Variants in PRPF3 observed in about 807,000 individuals in gnomAD.
The protein encoded by PRPF3 is U4/U6 small nuclear ribonucleoprotein Prp3.
In PRPF3, 3 loss-of-function variants were observed where a neutral mutation model predicts 89.2. That is an observed-to-expected ratio of 0.03 (90% CI 0.02 to 0.09). The LOEUF is 0.09. Among genes scored for constraint, PRPF3 ranks in the 10% least tolerant of loss-of-function variants. The pLI, the probability that PRPF3 is intolerant of heterozygous loss-of-function variation, is 1.00. For synonymous variants in PRPF3, 270 were observed against 289.1 expected, an observed-to-expected ratio of 0.93 and a Z score of 0.67; for missense variants, 463 against 828.8, an observed-to-expected ratio of 0.56 and a Z score of 5.42.
intron 9 of PRPF3, among the ~76,000 whole-genome samples, chr1:150,341,015 A>G (rs1399032654): frequency 7.0e-6 from 1 of 143,070 alleles, no homozygotes; most frequent in Non-Finnish European, 1.5e-5. Context: ...TGAGGTGTGG[A>G]GGATGGCTTG....
At position 150,328,302 on chromosome 1, in the gene PRPF3, C is replaced by T; in HGVS notation, c.277-18C>T. The T allele has an allele frequency of 6.2e-7, 1 of 1,613,722 alleles. No homozygotes were observed. Among genetic ancestry groups the T allele is most frequent in the Non-Finnish European group, 8.5e-7 (1 of 1,179,818 alleles). On this transcript the variant is annotated intron_variant, in intron 3 of 15. Transcript: ENST00000324862. ...ACGGGGAGGGATACAGCTTTTCTTT[C>T]ATCTTGGGTTCCCTTAGGAGGTGTT...
chr1:150,325,650 C>T (rs1007424790), intron 2 of PRPF3, 101 bp from the exon 3 acceptor site: 1 of 1,483,170 alleles, frequency 6.7e-7, no homozygotes, highest in East Asian at 2.4e-5. Context: ...ATTTGTTTCA[C>T]TCCTGGGAAT....
Position 150,343,292 on chromosome 1 carries a change from A to C in PRPF3, c.1283-17A>C, listed in dbSNP as rs201820757. The C allele has an allele frequency of 6.3e-7, 1 of 1,598,980 alleles. No homozygotes were observed. Reference sequence around the variant, plus strand: ...GTATTCTTACTGCTTTGGTATACTAATATCTCTGCCTGACAGTTGACAATG... The same window carrying C: ...GTATTCTTACTGCTTTGGTATACTACTATCTCTGCCTGACAGTTGACAATG... On this transcript the variant is annotated splice_polypyrimidine_tract_variant and intron_variant, in intron 9 of 15. Coordinates refer to ENST00000324862, the MANE Select transcript of PRPF3 (RefSeq NM_004698.4).
At chr1:150,327,085 T>C (rs781985876) in intron 3 of PRPF3, among the ~76,000 whole-genome samples, 132,701 of 144,904 alleles carry the variant, frequency 0.92, 60,954 homozygotes, top group East Asian at 1. Context: ...TTTTTTTTTC[T>C]AAGGGTGAGT....
chr1:150,341,750 T>C (rs587755242), intron 9 of PRPF3, among the ~76,000 whole-genome samples: 413 of 142,252 alleles, frequency 2.9e-3, no homozygotes, highest in Middle Eastern at 8.8e-3. Flanking sequence ...TCACCCAGGC[T>C]GGAGTGCAAT....
At chr1:150,344,920 C>T (rs1658129803) in intron 12 of PRPF3, among the ~76,000 whole-genome samples, 1 of 149,898 alleles carries the variant, frequency 6.7e-6, no homozygotes, top group Non-Finnish European at 1.5e-5. Context: ...GAGTTTGCTT[C>T]CAACATCCAT....
At chr1:150,348,577 C>G (rs971135650) in intron 14 of PRPF3, 11 of 147,536 alleles carry the variant, frequency 7.5e-5, no homozygotes, top group African/African-American at 2.5e-4. Flanking sequence ...ATTCTCCTGC[C>G]TCGGCCTCCT....
intron 15 of PRPF3, among the ~76,000 whole-genome samples, chr1:150,351,784 A>G (rs1435358604): frequency 1.4e-5 from 2 of 147,536 alleles, no homozygotes; most frequent in Non-Finnish European, 3.0e-5. Flanking sequence ...TGCTGGGATT[A>G]TAGGCATGAG....
intron 8 of PRPF3, 126 bp from the exon 9 acceptor site, chr1:150,340,272 A>AT: frequency 1.4e-6 from 1 of 711,374 alleles, no homozygotes; most frequent in African/African-American, 1.8e-5. Context: ...CCTAAATGCT[A>AT]TTTTAGGTAT....
chr1:150,328,895 TTGG>T (rs1397944353), intron 4 of PRPF3, among the ~76,000 whole-genome samples: 1 of 152,088 alleles, frequency 6.6e-6, no homozygotes, highest in Non-Finnish European at 1.5e-5. Context: ...TTTCACCATG[TTGG>T]GCAGGCTGGT....
intron 7 of PRPF3, among the ~76,000 whole-genome samples, chr1:150,337,195 C>A (rs587594578): frequency 6.6e-6 from 1 of 151,908 alleles, no homozygotes; most frequent in Non-Finnish European, 1.5e-5. Flanking sequence ...CCCGCCACCA[C>A]GCCCGGCTAA....
At chr1:150,351,939 T>C (rs1256382943) in intron 15 of PRPF3, among the ~76,000 whole-genome samples, 1 of 152,106 alleles carries the variant, frequency 6.6e-6, no homozygotes, top group Non-Finnish European at 1.5e-5. Context: ...TTTTCAGGAA[T>C]TGTCTCTCAT....
intron 9 of PRPF3, 104 bp downstream of exon 9, chr1:150,340,581 C>T: frequency 2.3e-6 from 2 of 869,502 alleles, no homozygotes; most frequent in East Asian, 5.0e-5. Flanking sequence ...ATACAATAGC[C>T]ACTACCCATG....
At chr1:150,338,772 C>T (rs987941127) in intron 8 of PRPF3, among the ~76,000 whole-genome samples, 1 of 152,108 alleles carries the variant, frequency 6.6e-6, no homozygotes, top group African/African-American at 2.4e-5. Context: ...ACCTTAGCCT[C>T]CCAAAGTGCT....
chr1:150,325,424 A>G (rs1655592089), intron 2 of PRPF3, among the ~76,000 whole-genome samples: 1 of 152,172 alleles, frequency 6.6e-6, no homozygotes, highest in African/African-American at 2.4e-5. Flanking sequence ...GAAATACATG[A>G]AAAAGCTTGA....
intron 3 of PRPF3, among the ~76,000 whole-genome samples, chr1:150,326,902 C>T (rs1428533097): frequency 5.3e-5 from 8 of 151,888 alleles, no homozygotes; most frequent in South Asian, 2.1e-4. Context: ...TATATATTCA[C>T]GTATTATAAA....
chr1:150,343,653 T>G (rs1233637230), intron 10 of PRPF3, among the ~76,000 whole-genome samples: 1 of 152,222 alleles, frequency 6.6e-6, no homozygotes, highest in Non-Finnish European at 1.5e-5. Context: ...TATGGCTTAT[T>G]TTTAAGCATA....
chr1:150,335,763 C>T (rs1553867320), intron 7 of PRPF3, among the ~76,000 whole-genome samples: 1 of 142,406 alleles, frequency 7.0e-6, no homozygotes, highest in African/African-American at 2.6e-5. Context: ...CCGCCCCCGC[C>T]TTTTTTTTTT....
intron 12 of PRPF3, 102 bp from the exon 13 acceptor site, chr1:150,345,916 A>C: frequency 1.1e-6 from 1 of 876,774 alleles, no homozygotes; most frequent in Non-Finnish European, 2.0e-6. Context: ...GCCTTTGTTT[A>C]TAGAGAGGAA....
Sources: allele counts gnomAD v4.1 joint callset (sites outside exome capture counted in the v4.1 genomes callset), GRCh38; gene constraint gnomAD v4.1.1; transcripts MANE v1.5; gene names NCBI Gene and HGNC (gene_info 2026-07-23, HGNC 2026-07-21).